LRGUK: variants seen among roughly 807,000 people sequenced by gnomAD.
The protein encoded by LRGUK is leucine-rich repeat and guanylate kinase domain-containing protein.
In LRGUK, 65 loss-of-function variants were observed where a neutral mutation model predicts 76.0. The ratio of observed to expected loss-of-function variants is 0.85; its 90% CI spans 0.70 to 1.05. The LOEUF (loss-of-function observed/expected upper bound fraction) is 1.05, where lower values mean the gene tolerates loss of function less well. LRGUK is among the 50% of genes least tolerant of loss of function. The pLI, the probability that LRGUK is intolerant of heterozygous loss-of-function variation, is 0.00. For synonymous variants in LRGUK, 268 were observed against 265.6 expected (o/e 1.01, Z -0.09); for missense variants, 758 against 732.8 (o/e 1.03, Z -0.40).
chr7:134,137,573 A>G (rs1797588251), intron 2 of LRGUK, among the ~76,000 whole-genome samples: 1 of 150,174 alleles, frequency 6.7e-6, no homozygotes, highest in South Asian at 2.1e-4. Flanking sequence ...GCTTTGAGCT[A>G]TACCTTACTT....
intron 5 of LRGUK, among the ~76,000 whole-genome samples, chr7:134,152,545 T>C (rs1798266731): frequency 6.6e-6 from 1 of 152,066 alleles, no homozygotes; most frequent in Non-Finnish European, 1.5e-5. Flanking sequence ...GATATTGTAT[T>C]ACATCCATTC....
intron 19 of LRGUK, among the ~76,000 whole-genome samples, chr7:134,258,936 G>A (rs149070451): frequency 7.2e-4 from 110 of 152,278 alleles, no homozygotes; most frequent in African/African-American, 2.5e-3. Context: ...TAGCTACTTT[G>A]AGTAGAAGCT....
chr7:134,144,666 G>A (rs1225765829), intron 4 of LRGUK, among the ~76,000 whole-genome samples: 1 of 152,118 alleles, frequency 6.6e-6, no homozygotes, highest in Non-Finnish European at 1.5e-5. Flanking sequence ...GCACAAATAT[G>A]AAAATCTGTT....
At chr7:134,224,398 G>A (rs1801680267) in intron 16 of LRGUK, among the ~76,000 whole-genome samples, 1 of 152,162 alleles carries the variant, frequency 6.6e-6, no homozygotes, top group African/African-American at 2.4e-5. Context: ...CGTGTTTAGG[G>A]ATCATGTCCT....
rs774431412 is a variant in LRGUK at position 134,137,137 on chromosome 7, A to T, written c.405+7A>T. On this transcript the variant is annotated splice_region_variant and intron_variant, in intron 2 of 15. Transcript: ENST00000645682. ...CCTCAATCTAACTTTATCAGTGAGT[A>T]TGACAAAATCTCCATTGGCTGGCTA... is the stretch of plus-strand genomic sequence containing the variant. The T allele has an allele frequency of 7.5e-6, 12 of 1,597,114 alleles. No individual in the cohort carries two copies. Among genetic ancestry groups the T allele is most frequent in the Admixed American group, 1.7e-5 (1 of 59,030 alleles).
intron 5 of LRGUK, 79 bp from the exon 6 acceptor site, chr7:134,157,956 G>C: frequency 1.5e-6 from 2 of 1,297,266 alleles, no homozygotes; most frequent in Non-Finnish European, 2.2e-6. Flanking sequence ...GCTTTGTCTA[G>C]TGATGATTTA....
intron 5 of LRGUK, among the ~76,000 whole-genome samples, chr7:134,156,505 A>G (rs17167517): frequency 0.13 from 19,751 of 152,250 alleles, 1,623 homozygotes; most frequent in East Asian, 0.32. Context: ...ATTTGGAGTT[A>G]TCTTGAAGAA....
At chr7:134,224,554 G>T (rs535548222) in intron 16 of LRGUK, among the ~76,000 whole-genome samples, 20 of 152,146 alleles carry the variant, frequency 1.3e-4, no homozygotes, top group African/African-American at 4.8e-4. Flanking sequence ...AGGGTGAAGG[G>T]TGGGAGGAGG....
chr7:134,201,636 T>G, intron 15 of LRGUK, 60 bp downstream of exon 15: 1 of 1,256,070 alleles, frequency 8.0e-7, no homozygotes, highest in African/African-American at 1.5e-5. Context: ...GGAAAACAAA[T>G]CTGAGTTGCT....
chr7:134,144,979 C>T (rs1197492196), intron 4 of LRGUK, among the ~76,000 whole-genome samples: 6 of 152,264 alleles, frequency 3.9e-5, no homozygotes, highest in East Asian at 3.9e-4. Context: ...CAGCATGACC[C>T]CTACCCCAGG....
intron 5 of LRGUK, among the ~76,000 whole-genome samples, chr7:134,157,048 G>A (rs952290256): frequency 6.6e-6 from 1 of 152,122 alleles, no homozygotes; most frequent in East Asian, 1.9e-4. Context: ...GAGCTGAACA[G>A]AATTATGACT....
chr7:134,202,810 T>G (rs1800832643), intron 15 of LRGUK, among the ~76,000 whole-genome samples: 1 of 152,178 alleles, frequency 6.6e-6, no homozygotes, highest in South Asian at 2.1e-4. Context: ...GTTTAATGGG[T>G]ACAGTGTCAG....
At chr7:134,203,824 G>A (rs1432484594) in intron 15 of LRGUK, among the ~76,000 whole-genome samples, 1 of 152,208 alleles carries the variant, frequency 6.6e-6, no homozygotes, top group African/African-American at 2.4e-5. Flanking sequence ...AGGGCTGTGA[G>A]TGTATCTAAT....
At chr7:134,260,727 C>A (rs1249445644) in intron 19 of LRGUK, among the ~76,000 whole-genome samples, 2 of 152,146 alleles carry the variant, frequency 1.3e-5, no homozygotes, top group Non-Finnish European at 2.9e-5. Flanking sequence ...CAATTAGTAG[C>A]CCCTGTGTGG....
At chr7:134,143,526 A>G (rs1360286374) in intron 4 of LRGUK, among the ~76,000 whole-genome samples, 2 of 152,168 alleles carry the variant, frequency 1.3e-5, no homozygotes, top group Non-Finnish European at 2.9e-5. Flanking sequence ...AAAGAAATGC[A>G]TTTTATTGTG....
intron 7 of LRGUK, among the ~76,000 whole-genome samples, chr7:134,168,980 C>T (rs1174014110): frequency 6.6e-6 from 1 of 152,032 alleles, no homozygotes; most frequent in Non-Finnish European, 1.5e-5. Context: ...GTGCCCCTCC[C>T]CTCCAAAAAG....
exon 14 of LRGUK, chr7:134,199,264 C>G (rs61749958): frequency 1.2e-6 from 2 of 1,613,772 alleles, no homozygotes; most frequent in Admixed American, 1.7e-5. Context: ...CTCGTTATAT[C>G]CTGGTGGTGC....
chr7:134,274,543 T>A, the LRGUK span, among the ~76,000 whole-genome samples: 42 of 152,188 alleles, frequency 2.8e-4, no homozygotes, highest in African/African-American at 9.9e-4. Flanking sequence ...TTTTATCAAC[T>A]TGTTCTGTAA....
intron 2 of LRGUK, 131 bp from the exon 3 acceptor site, chr7:134,139,305 A>T: frequency 1.6e-6 from 1 of 617,026 alleles, no homozygotes; most frequent in Non-Finnish European, 2.8e-6. Flanking sequence ...CAGGCTTCAG[A>T]TTTTGTTCTC....
Sources: gnomAD v4.1 joint callset for allele counts (sites outside exome capture counted in the v4.1 genomes callset) on GRCh38, gnomAD v4.1.1 for gene constraint, MANE v1.5 for transcripts, NCBI Gene and HGNC (gene_info 2026-07-23, HGNC 2026-07-21) for gene names.